Variants in GCNT1 observed in about 807,000 individuals in gnomAD.
GCNT1 encodes the protein glucosaminyl (N-acetyl) transferase 1, also known as beta-1,3-galactosyl-O-glycosyl-glycoprotein beta-1,6-N-acetylglucosaminyltransferase.
GCNT1 carries 16 observed loss-of-function variants against 26.2 expected under a neutral mutation model. That is an observed-to-expected ratio of 0.61 (90% CI 0.41 to 0.93). The LOEUF is 0.93. GCNT1 is among the 40% of genes least tolerant of loss of function. GCNT1 has a pLI of 0.00. For synonymous variants in GCNT1, 183 were observed against 190.8 expected, an observed-to-expected ratio of 0.96 and a Z score of 0.34; for missense variants, 477 against 526.7, an observed-to-expected ratio of 0.91 and a Z score of 0.92.
upstream of GCNT1, among the ~76,000 whole-genome samples, chr9:76,415,663 T>C (rs1047453416): frequency 1.9e-4 from 29 of 152,192 alleles, no homozygotes; most frequent in Non-Finnish European, 3.4e-4. Context: ...ATCTTTGTTT[T>C]AACAAAGCAT....
At chr9:76,471,667 TAA>T (rs138380190) in intron 2 of GCNT1, among the ~76,000 whole-genome samples, 7,811 of 152,164 alleles carry the variant, frequency 0.051, 649 homozygotes, top group African/African-American at 0.18. Context: ...ACCTTTAACA[TAA>T]GTGTTTTCCA....
chr9:76,408,556 C>T, the GCNT1 span, among the ~76,000 whole-genome samples: 1 of 151,954 alleles, frequency 6.6e-6, no homozygotes, highest in Non-Finnish European at 1.5e-5. Context: ...ATATTTTGTT[C>T]AGAATTTTTA....
At chr9:76,429,368 A>G (rs1823304095) in intron 1 of GCNT1, among the ~76,000 whole-genome samples, 1 of 152,156 alleles carries the variant, frequency 6.6e-6, no homozygotes, top group Non-Finnish European at 1.5e-5. Context: ...ATCTTTAACT[A>G]CACTAGATAT....
At chr9:76,440,716 G>A (rs1200971070), upstream of GCNT1, among the ~76,000 whole-genome samples, 1 of 152,188 alleles carries the variant, frequency 6.6e-6, no homozygotes, top group African/African-American at 2.4e-5. Context: ...CCTAAGAGGA[G>A]TCTTCCCTGG....
upstream of GCNT1, among the ~76,000 whole-genome samples, chr9:76,418,000 G>A (rs1393601734): frequency 1.3e-5 from 2 of 152,166 alleles, no homozygotes; most frequent in African/African-American, 4.8e-5. Flanking sequence ...ACAGCCCTCA[G>A]AAGACCCTGA....
intron 1 of GCNT1, among the ~76,000 whole-genome samples, chr9:76,421,689 GTTTTTTTT>G (rs1182829928): frequency 1.3e-5 from 1 of 74,766 alleles, no homozygotes; most frequent in Admixed American, 2.4e-4. Flanking sequence ...TTTGTAGGTT[GTTTTTTTT>G]TTTTTTTTTT....
Position 76,507,044 on chromosome 9 carries a change from C to T in GCNT1, c.*3376C>T, listed in dbSNP as rs911119346. 1 of 166,982 alleles carries T rather than the reference C, an allele frequency of 6.0e-6. No individual in the cohort carries two copies. Among genetic ancestry groups the T allele is most frequent in the African/African-American group, 2.4e-5 (1 of 41,436 alleles). The allele number at this position is 166,982 out of a possible 1,614,324, so 10.3% of individuals were successfully genotyped here. A position where few individuals can be genotyped will look rare whatever the true frequency, so the allele number is the denominator to read the frequency against. On this transcript the variant is annotated 3_prime_UTR_variant, in exon 4 of 4. Transcript: ENST00000376730. ...TGAAATCATAACTTAGCCAAGCCTA[C>T]CTTAAATGTTCTCAGAACATTTAGC...
In GCNT1 at chr9:76,506,738, T is replaced by C. The variant is rs936603272; in HGVS notation, c.*3070T>C. On this transcript the variant is annotated 3_prime_UTR_variant, in exon 4 of 4. Transcript: ENST00000376730. ...GCCACTCAGCCTTGAAAATGGAGTGTTGTTGTTTCTAAACATATATTTATG... is the reference window on the plus strand; with the variant it reads ...GCCACTCAGCCTTGAAAATGGAGTGCTGTTGTTTCTAAACATATATTTATG... 6.0e-6 allele frequency: 1 copy of C among 167,046 alleles called. No homozygotes were observed. Among genetic ancestry groups the C allele is most frequent in the Non-Finnish European group, 1.5e-5 (1 of 68,110 alleles). The allele number at this position is 167,046 out of a possible 1,614,324, so 10.3% of individuals were successfully genotyped here. A position where few individuals can be genotyped will look rare whatever the true frequency, so the allele number is the denominator to read the frequency against.
chr9:76,468,221 C>T (rs1254982652), intron 2 of GCNT1, among the ~76,000 whole-genome samples: 1 of 152,090 alleles, frequency 6.6e-6, no homozygotes, highest in Non-Finnish European at 1.5e-5. Flanking sequence ...GTGTCTTGTA[C>T]GGTGAATGTG....
At chr9:76,457,287 C>T (rs1306926692), upstream of GCNT1, among the ~76,000 whole-genome samples, 4 of 152,146 alleles carry the variant, frequency 2.6e-5, no homozygotes, top group South Asian at 6.2e-4. Flanking sequence ...CTTGCTTTGT[C>T]ACGCAGGCCA....
rs375605387 is a variant in GCNT1, at chr9:76,421,686, G to GTTTTTTTT, written n.38+1801_38+1802insTTTTTTTT. On this transcript the variant is annotated intron_variant and non_coding_transcript_variant, in intron 1 of 3. Transcript: ENST00000488136. ...TGATGGCAACTCAATTTGTTTGTAGGTTGTTTTTTTTTTTTTTTTTTTTTT... is the reference window on the plus strand; with the variant it reads ...TGATGGCAACTCAATTTGTTTGTAGGTTTTTTTTTTGTTTTTTTTTTTTTTTTTTTTTT... Among the ~76,000 whole-genome samples, 16 of 84,370 alleles carry GTTTTTTTT rather than the reference G, an allele frequency of 1.9e-4. 1 individual carries two copies. The highest frequency in any genetic ancestry group is 2.2e-4 in the Non-Finnish European group (10 of 45,330). The allele number at this position is 84,370 out of a possible 152,430, so 55.3% of individuals were successfully genotyped here.
In GCNT1 at chr9:76,503,187, CAG is replaced by C; in HGVS notation, c.807_808del (p.Gly270AspfsTer23). The C allele has an allele frequency of 1.2e-6, 2 of 1,614,146 alleles. No individual in the cohort carries two copies. The highest frequency in any genetic ancestry group is 1.7e-6 in the Non-Finnish European group (2 of 1,179,994). On this transcript the variant is annotated frameshift_variant, in exon 4 of 4. Coordinates refer to ENST00000376730, the MANE Select transcript of GCNT1 (RefSeq NM_001490.5). LOFTEE classifies it high-confidence loss of function. ...GTCGTTAATGGAAAGCTGACAAACACAGGGACTGTCAAAATGCTTCCTCCACT... is the reference window on the plus strand; with the variant it reads ...GTCGTTAATGGAAAGCTGACAAACACGGACTGTCAAAATGCTTCCTCCACT...
chr9:76,408,179 T>A, the GCNT1 span, among the ~76,000 whole-genome samples: 1 of 152,092 alleles, frequency 6.6e-6, no homozygotes, highest in African/African-American at 2.4e-5. Flanking sequence ...TAAAAGGGAG[T>A]GGTAAGAGGG....
At chr9:76,482,080 C>T (rs1824438113) in intron 2 of GCNT1, among the ~76,000 whole-genome samples, 1 of 152,116 alleles carries the variant, frequency 6.6e-6, no homozygotes, top group African/African-American at 2.4e-5. Flanking sequence ...CCATCTCTGT[C>T]TTTCTAGGCT....
chr9:76,500,491 G>A (rs1825034981), intron 2 of GCNT1, among the ~76,000 whole-genome samples: 1 of 152,104 alleles, frequency 6.6e-6, no homozygotes, highest in Admixed American at 6.5e-5. Flanking sequence ...GTGTGGAGTG[G>A]GGTGGTGATC....
At chr9:76,402,646 C>T in the GCNT1 span, among the ~76,000 whole-genome samples, 2 of 151,890 alleles carry the variant, frequency 1.3e-5, no homozygotes, top group Middle Eastern at 3.2e-3. Context: ...TATGCAGCTG[C>T]CTCATAATAA....
At chr9:76,481,385 C>T (rs1416585797) in intron 2 of GCNT1, among the ~76,000 whole-genome samples, 1 of 149,908 alleles carries the variant, frequency 6.7e-6, no homozygotes, top group Non-Finnish European at 1.5e-5. Flanking sequence ...CATTTGTAAA[C>T]TTTAATACAT....
the GCNT1 span, chr9:76,394,153 A>C: frequency 6.8e-6 from 11 of 1,608,126 alleles, no homozygotes; most frequent in Non-Finnish European, 9.3e-6. Context: ...CCCCGGCAGA[A>C]GTAAGGCAGG....
upstream of GCNT1, among the ~76,000 whole-genome samples, chr9:76,418,859 C>G (rs1823154371): frequency 2.0e-5 from 3 of 152,184 alleles, no homozygotes; most frequent in South Asian, 6.2e-4. Flanking sequence ...GGTTACATTA[C>G]TCAGTCTTCT....
Sources: allele counts gnomAD v4.1 joint callset (sites outside exome capture counted in the v4.1 genomes callset), GRCh38; gene constraint gnomAD v4.1.1; transcripts MANE v1.5; gene names NCBI Gene and HGNC (gene_info 2026-07-23, HGNC 2026-07-21).